CALN1: variants seen among roughly 807,000 people sequenced by gnomAD.
CALN1 encodes calneuron 1.
A neutral mutation model predicts 30.6 loss-of-function variants in CALN1; 17 were observed. That is an observed-to-expected ratio of 0.56 (90% CI 0.38 to 0.83). CALN1 has a LOEUF of 0.83. Among genes scored for constraint, CALN1 ranks in the 40% least tolerant of loss-of-function variants. The pLI, the probability that CALN1 is intolerant of heterozygous loss-of-function variation, is 0.00. For missense variants in CALN1, 291 were observed against 354.9 expected, an observed-to-expected ratio of 0.82 and a Z score of 1.45; for synonymous variants, 156 against 131.4, an observed-to-expected ratio of 1.19 and a Z score of -1.28.
intron 2 of CALN1, among the ~76,000 whole-genome samples, chr7:72,381,446 T>C (rs1487619817): frequency 2.0e-5 from 3 of 152,124 alleles, no homozygotes; most frequent in African/African-American, 4.8e-5. Flanking sequence ...CAAATGCCCA[T>C]GAATGGTAGA....
At chr7:72,223,672 T>C (rs373299752) in intron 3 of CALN1, among the ~76,000 whole-genome samples, 87 of 152,314 alleles carry the variant, frequency 5.7e-4, no homozygotes, top group Non-Finnish European at 9.7e-4. Context: ...TTCTACCCAA[T>C]TGTTCTATTG....
intron 2 of CALN1, among the ~76,000 whole-genome samples, chr7:72,328,109 C>CT (rs775830416): frequency 3.6e-4 from 51 of 140,896 alleles, no homozygotes; most frequent in Non-Finnish European, 5.8e-4. Context: ...CTTTTAATTT[C>CT]TTTTTTTAAA....
chr7:72,418,618 C>T (rs1292547642), intron 1 of CALN1, among the ~76,000 whole-genome samples: 1 of 152,084 alleles, frequency 6.6e-6, no homozygotes, highest in Non-Finnish European at 1.5e-5. Flanking sequence ...TGTAGCTTCC[C>T]CGCCCCGGCT....
intron 4 of CALN1, among the ~76,000 whole-genome samples, chr7:72,084,123 C>T (rs555076005): frequency 3.3e-4 from 50 of 152,126 alleles, no homozygotes; most frequent in Non-Finnish European, 5.3e-4. Context: ...GCAGGAGAAT[C>T]GCTTGAACCT....
chr7:72,374,145 T>C (rs1804406650), intron 2 of CALN1, among the ~76,000 whole-genome samples: 1 of 152,158 alleles, frequency 6.6e-6, no homozygotes, highest in South Asian at 2.1e-4. Flanking sequence ...AGGTGAATGA[T>C]ACAGAAAGGA....
In CALN1 at chr7:71,785,404, G is replaced by C. The variant is rs1157858222; in HGVS notation, c.*2371C>G. On this transcript the variant is annotated 3_prime_UTR_variant, in exon 7 of 7. Coordinates refer to ENST00000395275, the MANE Select transcript of CALN1 (RefSeq NM_031468.4). Reference sequence around the variant, plus strand: ...CAATGAAATCTAACCCTCACCTCTTGAAGGGTCTCTGTTCTCCAGCAGGAG... The same window carrying C: ...CAATGAAATCTAACCCTCACCTCTTCAAGGGTCTCTGTTCTCCAGCAGGAG... The C allele has an allele frequency of 1.3e-5, 2 of 152,216 alleles. No individual in the cohort carries two copies. Among genetic ancestry groups the C allele is most frequent in the African/African-American group, 4.8e-5 (2 of 41,436 alleles). The allele number at this position is 152,216 out of a possible 1,614,324, so 9.4% of individuals were successfully genotyped here.
intron 3 of CALN1, among the ~76,000 whole-genome samples, chr7:72,200,184 G>A (rs1266134727): frequency 1.3e-5 from 2 of 151,994 alleles, no homozygotes; most frequent in Admixed American, 6.6e-5. Flanking sequence ...GAGGGGAGTG[G>A]CAATGACACA....
At chr7:72,353,399 A>C (rs1029560614) in intron 2 of CALN1, among the ~76,000 whole-genome samples, 13 of 152,334 alleles carry the variant, frequency 8.5e-5, no homozygotes, top group African/African-American at 2.9e-4. Context: ...AGTTTTTTTA[A>C]GTCATACAAA....
intron 2 of CALN1, among the ~76,000 whole-genome samples, chr7:72,325,742 C>G (rs1308160966): frequency 1.3e-5 from 2 of 152,202 alleles, no homozygotes. Context: ...CCACCCATCT[C>G]TGCTGAGGGC....
At chr7:72,131,932 CAT>C (rs1239753067) in intron 3 of CALN1, among the ~76,000 whole-genome samples, 2 of 152,182 alleles carry the variant, frequency 1.3e-5, no homozygotes, top group Non-Finnish European at 2.9e-5. Flanking sequence ...CCCCATCCCA[CAT>C]GATTGTTGTT....
rs539612384 is a variant in CALN1, at chr7:72,395,329, C to T, written c.119+7922G>A. 1.4e-3 allele frequency among the ~76,000 whole-genome samples: 200 copies of T among 144,054 alleles called. 3 individuals carry two copies. The highest frequency in any genetic ancestry group is 4.8e-3 in the African/African-American group (183 of 38,332). 94.5% of individuals were successfully genotyped at this position (144,054 alleles called of 152,430 possible). A position where few individuals can be genotyped will look rare whatever the true frequency, so the allele number is the denominator to read the frequency against. On this transcript the variant is annotated intron_variant, in intron 2 of 6. Transcript: ENST00000395275. ...TAGGTGGTTTCCAGGCTTTAGCAAA[C>T]ACATACACACACACGCTGCGCACGC... is the stretch of plus-strand genomic sequence containing the variant.
intron 5 of CALN1, among the ~76,000 whole-genome samples, chr7:72,004,664 T>C (rs1799680863): frequency 6.7e-6 from 1 of 150,302 alleles, no homozygotes; most frequent in Non-Finnish European, 1.5e-5. Flanking sequence ...ACAAAATATA[T>C]AAAGAATTCT....
At chr7:72,002,150 G>A (rs1362282172) in intron 5 of CALN1, among the ~76,000 whole-genome samples, 1 of 152,140 alleles carries the variant, frequency 6.6e-6, no homozygotes, top group Non-Finnish European at 1.5e-5. Flanking sequence ...TCCCACCACT[G>A]CTAGTCAACA....
chr7:72,144,710 C>T (rs1396067603), intron 3 of CALN1, among the ~76,000 whole-genome samples: 1 of 152,092 alleles, frequency 6.6e-6, no homozygotes, highest in Non-Finnish European at 1.5e-5. Context: ...CAAAATTGAC[C>T]ACATAGTTGG....
At chr7:71,974,526 C>A (rs1377283993) in intron 5 of CALN1, among the ~76,000 whole-genome samples, 1 of 151,886 alleles carries the variant, frequency 6.6e-6, no homozygotes, top group Non-Finnish European at 1.5e-5. Flanking sequence ...GGCTAGGTGC[C>A]TGTTCCACCA....
chr7:71,871,902 A>T (rs1584415390), intron 5 of CALN1, among the ~76,000 whole-genome samples: 1 of 151,910 alleles, frequency 6.6e-6, no homozygotes, highest in African/African-American at 2.4e-5. Context: ...TTCATCTTCC[A>T]CCATGGTCTC....
rs537334074 is a variant in CALN1, at chr7:72,106,188, C to T, written c.351G>A (p.Val117=). 9.3e-6 allele frequency: 15 copies of T among 1,614,068 alleles called. 1 individual carries two copies. In the South Asian group the frequency reaches 1.6e-4, roughly 18 times the overall value. Residue 117 remains valine (V), a synonymous_variant, in exon 4 of 7, where the codon GTG becomes GTA. Coordinates refer to ENST00000395275, the MANE Select transcript of CALN1 (RefSeq NM_031468.4). ...MRSLGYMPSE[V]ELAIIMQRLD... ...AGCGCTGCATGATGATGGCCAGCTC[C>T]ACCTCGCTTGGCATGTACCCCAAAG...
At chr7:72,211,565 G>A (rs540373321) in intron 3 of CALN1, among the ~76,000 whole-genome samples, 149 of 152,288 alleles carry the variant, frequency 9.8e-4, no homozygotes, top group South Asian at 8.3e-4. Flanking sequence ...GAAACGACTC[G>A]ATAGGTCTGT....
chr7:72,194,823 C>G (rs1029604988), intron 3 of CALN1, among the ~76,000 whole-genome samples: 3 of 151,904 alleles, frequency 2.0e-5, no homozygotes, highest in African/African-American at 7.3e-5. Context: ...ATCTCTTGAC[C>G]TCATGATCCA....
Sources: gnomAD v4.1 joint callset for allele counts (sites outside exome capture counted in the v4.1 genomes callset) on GRCh38, gnomAD v4.1.1 for gene constraint, MANE v1.5 for transcripts, NCBI Gene and HGNC (gene_info 2026-07-23, HGNC 2026-07-21) for gene names.